CCDC148: variants seen among roughly 807,000 people sequenced by gnomAD.
CCDC148 encodes coiled-coil domain-containing protein 148.
In CCDC148, 89 loss-of-function variants were observed where a neutral mutation model predicts 85.7. The observed-to-expected ratio is 1.04, with a 90% CI of 0.87 to 1.24. The LOEUF (loss-of-function observed/expected upper bound fraction) is 1.24. Among genes scored for constraint, CCDC148 ranks in the 50% most tolerant of loss-of-function variants. The pLI is 0.00. For missense variants in CCDC148, 692 were observed against 671.7 expected, an observed-to-expected ratio of 1.03 and a Z score of -0.33; for synonymous variants, 230 against 213.9, an observed-to-expected ratio of 1.08 and a Z score of -0.66.
At chr2:158,432,013 T>C (rs1687377886) in intron 1 of CCDC148, among the ~76,000 whole-genome samples, 1 of 152,002 alleles carries the variant, frequency 6.6e-6, no homozygotes, top group African/African-American at 2.4e-5. Flanking sequence ...AATGGCAAAG[T>C]ACAGAATAAG....
chr2:158,266,860 G>C (rs1309461022), intron 9 of CCDC148, among the ~76,000 whole-genome samples: 1 of 150,920 alleles, frequency 6.6e-6, no homozygotes, highest in South Asian at 2.1e-4. Context: ...GTGTCTGTGT[G>C]TGTGTGTGTA....
intron 3 of CCDC148, among the ~76,000 whole-genome samples, chr2:158,343,173 C>T (rs1320335470): frequency 6.6e-6 from 1 of 152,166 alleles, no homozygotes; most frequent in Non-Finnish European, 1.5e-5. Context: ...GTATGCACCA[C>T]CACACCCTGG....
intron 10 of CCDC148, among the ~76,000 whole-genome samples, chr2:158,233,618 A>G (rs1041984573): frequency 1.3e-5 from 2 of 151,932 alleles, no homozygotes; most frequent in African/African-American, 4.8e-5. Flanking sequence ...GAATCCAAAA[A>G]CATCTGGATA....
chr2:158,259,575 T>C (rs921390437), intron 9 of CCDC148, among the ~76,000 whole-genome samples: 2 of 151,734 alleles, frequency 1.3e-5, no homozygotes, highest in African/African-American at 4.8e-5. Context: ...TGTACACATA[T>C]ATTTATTGGA....
chr2:158,275,992 A>C (rs1574523034), intron 9 of CCDC148, among the ~76,000 whole-genome samples: 1 of 102,856 alleles, frequency 9.7e-6, no homozygotes, highest in African/African-American at 4.3e-5. Flanking sequence ...CTAATTTATC[A>C]AAAAAAAAAA....
chr2:158,353,681 C>T (rs1239084185), intron 2 of CCDC148, among the ~76,000 whole-genome samples: 1 of 152,062 alleles, frequency 6.6e-6, no homozygotes, highest in Non-Finnish European at 1.5e-5. Context: ...GACAGAAAGT[C>T]AACAAGGACA....
intron 7 of CCDC148, among the ~76,000 whole-genome samples, chr2:158,333,727 A>G (rs1693272209): frequency 6.6e-6 from 1 of 152,112 alleles, no homozygotes. Context: ...TATTTAGGAT[A>G]GTTAGATCTT....
chr2:158,344,536 T>C (rs1473714724), intron 3 of CCDC148, among the ~76,000 whole-genome samples: 1 of 152,126 alleles, frequency 6.6e-6, no homozygotes, highest in African/African-American at 2.4e-5. Context: ...ATATCATCAT[T>C]AAAACAAGTA....
chr2:158,301,358 A>G (rs1487464046), intron 9 of CCDC148, among the ~76,000 whole-genome samples: 1 of 152,224 alleles, frequency 6.6e-6, no homozygotes, highest in African/African-American at 2.4e-5. Flanking sequence ...GAGGAAGCTA[A>G]GTTTCAAGTA....
intron 1 of CCDC148, among the ~76,000 whole-genome samples, chr2:158,394,454 A>G (rs79111245): frequency 0.071 from 10,802 of 152,144 alleles, 529 homozygotes; most frequent in Middle Eastern, 0.11. Context: ...AGAAGGCATG[A>G]GCAAACTCTA....
At chr2:158,187,560 C>A (rs1418805505) in intron 11 of CCDC148, among the ~76,000 whole-genome samples, 2 of 151,992 alleles carry the variant, frequency 1.3e-5, no homozygotes, top group Non-Finnish European at 2.9e-5. Context: ...CTACTTTCCC[C>A]AATAACACCA....
At chr2:158,449,706 C>G (rs966142442) in intron 1 of CCDC148, among the ~76,000 whole-genome samples, 1 of 152,202 alleles carries the variant, frequency 6.6e-6, no homozygotes, top group Non-Finnish European at 1.5e-5. Context: ...GCCTTGGCCT[C>G]CCAAAGTGCT....
At chr2:158,353,633 C>T (rs1261623242) in intron 2 of CCDC148, among the ~76,000 whole-genome samples, 1 of 152,040 alleles carries the variant, frequency 6.6e-6, no homozygotes, top group African/African-American at 2.4e-5. Flanking sequence ...TAATGGGAGA[C>T]TTTAACACCC....
chr2:158,363,927 C>G (rs1468661913), intron 1 of CCDC148, among the ~76,000 whole-genome samples: 1 of 152,120 alleles, frequency 6.6e-6, no homozygotes. Context: ...ATCGTCTCAG[C>G]CCAAAATGTC....
At chr2:158,405,171 AG>A (rs1685944885) in intron 1 of CCDC148, among the ~76,000 whole-genome samples, 2 of 152,294 alleles carry the variant, frequency 1.3e-5, no homozygotes, top group East Asian at 1.9e-4. Flanking sequence ...CAGGAGGAAC[AG>A]GGGAACAGGG....
intron 10 of CCDC148, among the ~76,000 whole-genome samples, chr2:158,232,340 C>G (rs985971375): frequency 6.6e-6 from 1 of 152,012 alleles, no homozygotes; most frequent in Admixed American, 6.6e-5. Flanking sequence ...TAATGTCATG[C>G]TATTTTTCAG....
intron 9 of CCDC148, among the ~76,000 whole-genome samples, chr2:158,282,903 A>C (rs1272470848): frequency 6.6e-6 from 1 of 152,188 alleles, no homozygotes; most frequent in Non-Finnish European, 1.5e-5. Flanking sequence ...AGTAACCAAA[A>C]CAGCATGGTA....
intron 9 of CCDC148, among the ~76,000 whole-genome samples, chr2:158,264,230 ACTT>A (rs1258022865): frequency 6.6e-6 from 1 of 152,056 alleles, no homozygotes; most frequent in East Asian, 1.9e-4. Context: ...CAATGAGAAT[ACTT>A]CTTCCGTCAT....
At chr2:158,329,533 C>A (rs1692980895) in intron 7 of CCDC148, among the ~76,000 whole-genome samples, 1 of 151,674 alleles carries the variant, frequency 6.6e-6, no homozygotes, top group Admixed American at 6.6e-5. Context: ...GTAGTTTTTT[C>A]CAATTCTGTG....
Sources: gnomAD v4.1 joint callset for allele counts (sites outside exome capture counted in the v4.1 genomes callset) on GRCh38, gnomAD v4.1.1 for gene constraint, MANE v1.5 for transcripts, NCBI Gene and HGNC (gene_info 2026-07-23, HGNC 2026-07-21) for gene names.